Variants in NKAIN2 observed in about 807,000 individuals in gnomAD.
NKAIN2 encodes the protein sodium/potassium-transporting ATPase subunit beta-1-interacting protein 2.
A neutral mutation model predicts 32.6 loss-of-function variants in NKAIN2; 14 were observed. The ratio of observed to expected loss-of-function variants is 0.43; its 90% CI spans 0.28 to 0.67. The LOEUF (loss-of-function observed/expected upper bound fraction) is 0.67, where lower values mean the gene tolerates loss of function less well. NKAIN2 is among the 30% of genes least tolerant of loss of function. The pLI, the probability that NKAIN2 is intolerant of heterozygous loss-of-function variation, is 0.17. For synonymous variants in NKAIN2, 80 were observed against 87.2 expected, an observed-to-expected ratio of 0.92 and a Z score of 0.46; for missense variants, 198 against 258.3, an observed-to-expected ratio of 0.77 and a Z score of 1.60.
intron 4 of NKAIN2, among the ~76,000 whole-genome samples, chr6:124,744,292 CTTTTGT>C (rs1362571599): frequency 6.6e-6 from 1 of 151,676 alleles, no homozygotes; most frequent in Non-Finnish European, 1.5e-5. Flanking sequence ...TCTTTCTGGC[CTTTTGT>C]TTTTATTTAT....
At chr6:124,167,665 T>C (rs921334910) in intron 1 of NKAIN2, among the ~76,000 whole-genome samples, 30 of 152,160 alleles carry the variant, frequency 2.0e-4, no homozygotes, top group African/African-American at 7.2e-4. Flanking sequence ...TTGTCATAGA[T>C]AGCTCTTATT....
chr6:123,948,754 T>C (rs1049999657), intron 1 of NKAIN2, among the ~76,000 whole-genome samples: 4 of 151,918 alleles, frequency 2.6e-5, no homozygotes, highest in African/African-American at 9.7e-5. Context: ...GTGCAGAAGC[T>C]TTTTAGTTTA....
chr6:124,570,547 G>A (rs567904660), intron 3 of NKAIN2, among the ~76,000 whole-genome samples: 1 of 152,198 alleles, frequency 6.6e-6, no homozygotes, highest in African/African-American at 2.4e-5. Context: ...TGGCTTTAGA[G>A]GGTGGAAGCC....
intron 1 of NKAIN2, among the ~76,000 whole-genome samples, chr6:124,168,164 A>C (rs949581710): frequency 2.0e-5 from 3 of 152,170 alleles, no homozygotes; most frequent in African/African-American, 7.2e-5. Flanking sequence ...ATAATAGTGC[A>C]CAAGTTCATA....
chr6:124,720,970 G>A (rs1235873834), intron 4 of NKAIN2, among the ~76,000 whole-genome samples: 16 of 152,154 alleles, frequency 1.1e-4, no homozygotes. Flanking sequence ...GAATCAATGT[G>A]ATAACCCATT....
intron 3 of NKAIN2, among the ~76,000 whole-genome samples, chr6:124,427,366 C>T (rs1168835385): frequency 1.3e-5 from 2 of 151,968 alleles, no homozygotes; most frequent in African/African-American, 4.8e-5. Context: ...GGATAAATCC[C>T]AAAATAATCA....
At chr6:124,605,585 A>T (rs2114988494) in intron 3 of NKAIN2, among the ~76,000 whole-genome samples, 1 of 152,148 alleles carries the variant, frequency 6.6e-6, no homozygotes, top group Admixed American at 6.6e-5. Context: ...AGAAGATGGA[A>T]TACATAGAAT....
At position 123,976,099 on chromosome 6, in the gene NKAIN2, A is replaced by G. The variant is rs1018249660; in HGVS notation, c.54+171845A>G. Among the ~76,000 whole-genome samples the G allele has an allele frequency of 7.3e-5, 11 of 151,288 alleles. 1 individual carries two copies. The South Asian group carries it at 8.4e-4, about 12-fold the overall frequency. On this transcript the variant is annotated intron_variant, in intron 1 of 6. Coordinates refer to ENST00000368417, the MANE Select transcript of NKAIN2 (RefSeq NM_001040214.3). ...ATGTCCCACGTGCCTTTTGCCTTCT[A>G]CCATGATTGTGAGGCCTCCCCAGCC...
intron 1 of NKAIN2, among the ~76,000 whole-genome samples, chr6:124,207,702 T>G (rs1233779053): frequency 5.3e-5 from 8 of 151,854 alleles, no homozygotes; most frequent in Non-Finnish European, 1.0e-4. Flanking sequence ...ATTTACCGTA[T>G]TTCTGTTTTT....
intron 3 of NKAIN2, among the ~76,000 whole-genome samples, chr6:124,624,345 T>C (rs1182177017): frequency 1.3e-5 from 2 of 152,078 alleles, no homozygotes; most frequent in Non-Finnish European, 2.9e-5. Flanking sequence ...AACACTGGGG[T>C]AAGATCTGGG....
chr6:124,065,955 T>C (rs1783152383), intron 1 of NKAIN2, among the ~76,000 whole-genome samples: 1 of 152,156 alleles, frequency 6.6e-6, no homozygotes, highest in Non-Finnish European at 1.5e-5. Context: ...GTTATATACA[T>C]AACTGCATTT....
At chr6:124,719,173 T>C (rs1020352889) in intron 4 of NKAIN2, among the ~76,000 whole-genome samples, 11 of 152,224 alleles carry the variant, frequency 7.2e-5, no homozygotes, top group Non-Finnish European at 1.6e-4. Flanking sequence ...AAATTGCTAA[T>C]TTCCATTTTG....
At chr6:123,908,843 T>A (rs1328740464) in intron 1 of NKAIN2, among the ~76,000 whole-genome samples, 1 of 152,224 alleles carries the variant, frequency 6.6e-6, no homozygotes, top group Admixed American at 6.5e-5. Flanking sequence ...AAATAAGTTT[T>A]CAGATTGCTT....
intron 4 of NKAIN2, among the ~76,000 whole-genome samples, chr6:124,722,808 G>C (rs1023795855): frequency 1.3e-5 from 2 of 152,148 alleles, no homozygotes; most frequent in Non-Finnish European, 2.9e-5. Flanking sequence ...AGGGCACAAG[G>C]GTCTCAGTTT....
At chr6:124,249,671 G>C (rs890350342) in intron 1 of NKAIN2, among the ~76,000 whole-genome samples, 7 of 151,970 alleles carry the variant, frequency 4.6e-5, no homozygotes, top group Admixed American at 3.3e-4. Flanking sequence ...CCACAATAAA[G>C]TGAAAGTGGG....
chr6:124,647,576 C>T (rs1269024576), intron 3 of NKAIN2, among the ~76,000 whole-genome samples: 3 of 146,402 alleles, frequency 2.0e-5, no homozygotes, highest in Non-Finnish European at 3.0e-5. Context: ...GGTATAATGA[C>T]GTTATTATAA....
intron 1 of NKAIN2, among the ~76,000 whole-genome samples, chr6:123,936,774 A>C (rs1181936241): frequency 6.6e-6 from 1 of 152,108 alleles, no homozygotes; most frequent in Non-Finnish European, 1.5e-5. Flanking sequence ...TGAGCAATTT[A>C]TGGAACTATC....
At chr6:124,062,076 T>C (rs1782939401) in intron 1 of NKAIN2, among the ~76,000 whole-genome samples, 1 of 152,194 alleles carries the variant, frequency 6.6e-6, no homozygotes, top group South Asian at 2.1e-4. Flanking sequence ...TTTCTTTCAA[T>C]CTGTTGCTCA....
At chr6:124,477,524 C>T (rs1183725651) in intron 3 of NKAIN2, among the ~76,000 whole-genome samples, 2 of 152,142 alleles carry the variant, frequency 1.3e-5, no homozygotes, top group East Asian at 3.9e-4. Flanking sequence ...CTGGATCTAC[C>T]TGTTTGGTGC....
Sources: allele counts gnomAD v4.1 joint callset (sites outside exome capture counted in the v4.1 genomes callset), GRCh38; gene constraint gnomAD v4.1.1; transcripts MANE v1.5; gene names NCBI Gene and HGNC (gene_info 2026-07-23, HGNC 2026-07-21).